SLC14A2: variants seen among roughly 807,000 people sequenced by gnomAD.
SLC14A2 encodes the protein urea transporter 2.
In SLC14A2, 91 loss-of-function variants were observed where a neutral mutation model predicts 104.6. The ratio of observed to expected loss-of-function variants is 0.87; its 90% CI spans 0.73 to 1.04. The LOEUF (loss-of-function observed/expected upper bound fraction) is 1.04, where lower values mean the gene tolerates loss of function less well. SLC14A2 is among the 50% of genes least tolerant of loss of function. The pLI, the probability that SLC14A2 is intolerant of heterozygous loss-of-function variation, is 0.00. For missense variants in SLC14A2, 1,189 were observed against 1,156.0 expected (o/e 1.03, Z -0.41); for synonymous variants, 476 against 466.4 (o/e 1.02, Z -0.27).
At chr18:45,659,905 A>T (rs1193532768) in intron 10 of SLC14A2, among the ~76,000 whole-genome samples, 1 of 149,868 alleles carries the variant, frequency 6.7e-6, no homozygotes, top group African/African-American at 2.5e-5. Context: ...CAGGAGGACC[A>T]CTTGAGCCCA....
chr18:45,355,568 A>T (rs2085544794), intron 1 of SLC14A2, among the ~76,000 whole-genome samples: 2 of 97,766 alleles, frequency 2.0e-5, no homozygotes. Context: ...ACAGAGTGAT[A>T]CTCTGTCTCA....
At chr18:45,210,036 G>A (rs184992466), upstream of SLC14A2, among the ~76,000 whole-genome samples, 215 of 152,308 alleles carry the variant, frequency 1.4e-3, 1 homozygote, top group African/African-American at 4.9e-3. Flanking sequence ...ACCAATGCAT[G>A]TCTTACCTCC....
the SLC14A2 span, among the ~76,000 whole-genome samples, chr18:45,173,206 G>A: frequency 1.1e-3 from 169 of 152,220 alleles, 2 homozygotes; most frequent in Non-Finnish European, 2.1e-3. Flanking sequence ...GATGGAGCTG[G>A]AAGATATATT....
chr18:45,661,095 C>T (rs530692968), intron 10 of SLC14A2, among the ~76,000 whole-genome samples: 31 of 152,304 alleles, frequency 2.0e-4, no homozygotes, highest in African/African-American at 7.2e-4. Context: ...AGCACAGAAT[C>T]TGGGCTGCTA....
At chr18:45,292,243 G>C (rs2084877569) in intron 1 of SLC14A2, among the ~76,000 whole-genome samples, 1 of 152,154 alleles carries the variant, frequency 6.6e-6, no homozygotes, top group African/African-American at 2.4e-5. Context: ...ATAGCTGGCA[G>C]AATCACTTCA....
At chr18:45,474,305 C>T (rs77434073) in intron 1 of SLC14A2, among the ~76,000 whole-genome samples, 1 of 152,114 alleles carries the variant, frequency 6.6e-6, no homozygotes, top group Non-Finnish European at 1.5e-5. Context: ...ATTTTTGCAT[C>T]AATGTTCATC....
chr18:45,680,938 C>T (rs66521833), intron 19 of SLC14A2, among the ~76,000 whole-genome samples: 17,658 of 152,192 alleles, frequency 0.12, 1,255 homozygotes, highest in East Asian at 0.28. Context: ...CTTACAGACC[C>T]AGCTCTGGTA....
At chr18:45,432,735 T>C (rs1456979837) in intron 1 of SLC14A2, among the ~76,000 whole-genome samples, 1 of 152,180 alleles carries the variant, frequency 6.6e-6, no homozygotes, top group Non-Finnish European at 1.5e-5. Context: ...GTACAGGGTC[T>C]TGTGGATGCC....
chr18:45,640,238 C>G (rs1392155314), intron 7 of SLC14A2, among the ~76,000 whole-genome samples: 1 of 151,636 alleles, frequency 6.6e-6, no homozygotes, highest in African/African-American at 2.4e-5. Context: ...ATCGTACCAC[C>G]TCACTCCAGC....
At chr18:45,402,295 T>C (rs1285253002) in intron 1 of SLC14A2, among the ~76,000 whole-genome samples, 2 of 152,214 alleles carry the variant, frequency 1.3e-5, no homozygotes, top group East Asian at 3.8e-4. Context: ...ATTGTCTGCA[T>C]TTTATTTAAT....
intron 1 of SLC14A2, among the ~76,000 whole-genome samples, chr18:45,227,893 C>G (rs1384586893): frequency 7.0e-6 from 1 of 142,882 alleles, no homozygotes; most frequent in African/African-American, 2.6e-5. Context: ...CTTTAATTTG[C>G]TAAAGTATTT....
Position 45,670,074 on chromosome 18 carries a change from G to A in SLC14A2, c.2229+576G>A, listed in dbSNP as rs888882992. The stretch of plus-strand genomic sequence containing the variant: ...GCCCAGGAGTTTGAGGCTGCAGTGC[G>A]CTGTGATTGTGTCACTGCACTCCAT... On this transcript the variant is annotated intron_variant, in intron 16 of 19. Transcript: ENST00000255226. Among the ~76,000 whole-genome samples, 18 of 152,156 alleles carry A rather than the reference G, an allele frequency of 1.2e-4. No homozygotes were observed. In the East Asian group the frequency reaches 2.3e-3, roughly 20 times the overall value.
At chr18:45,658,383 C>T (rs764190883) in intron 10 of SLC14A2, among the ~76,000 whole-genome samples, 1 of 152,066 alleles carries the variant, frequency 6.6e-6, no homozygotes, top group Non-Finnish European at 1.5e-5. Flanking sequence ...GAGTTCGAGA[C>T]CAGCCTAACC....
At chr18:45,441,325 A>G (rs961255115) in intron 1 of SLC14A2, among the ~76,000 whole-genome samples, 3 of 152,204 alleles carry the variant, frequency 2.0e-5, no homozygotes, top group African/African-American at 7.2e-5. Context: ...CATGATATTC[A>G]AATGATTTGG....
At chr18:45,630,458 A>G (rs957727194) in intron 4 of SLC14A2, among the ~76,000 whole-genome samples, 2 of 152,112 alleles carry the variant, frequency 1.3e-5, no homozygotes, top group Non-Finnish European at 2.9e-5. Context: ...AACAACACCA[A>G]TGCTGCAGTG....
intron 1 of SLC14A2, among the ~76,000 whole-genome samples, chr18:45,414,627 C>T (rs2086249233): frequency 6.6e-6 from 1 of 150,718 alleles, no homozygotes; most frequent in Non-Finnish European, 1.5e-5. Flanking sequence ...GGCATTCATG[C>T]AATCCACTTT....
chr18:45,322,380 A>G (rs1175867326), intron 1 of SLC14A2, among the ~76,000 whole-genome samples: 1 of 152,238 alleles, frequency 6.6e-6, no homozygotes, highest in Non-Finnish European at 1.5e-5. Context: ...AGTGAACACT[A>G]ATTGAAGGCT....
At chr18:45,595,512 A>AGT (rs1159288727) in intron 2 of SLC14A2, among the ~76,000 whole-genome samples, 1 of 152,012 alleles carries the variant, frequency 6.6e-6, no homozygotes. Context: ...CCACTTAACC[A>AGT]TTAAGTAAAC....
At chr18:45,589,784 G>A (rs2044621115) in intron 2 of SLC14A2, among the ~76,000 whole-genome samples, 1 of 152,180 alleles carries the variant, frequency 6.6e-6, no homozygotes, top group Non-Finnish European at 1.5e-5. Flanking sequence ...TGTCCATGAA[G>A]AGAGAATTTG....
Sources: allele counts gnomAD v4.1 joint callset (sites outside exome capture counted in the v4.1 genomes callset), GRCh38; gene constraint gnomAD v4.1.1; transcripts MANE v1.5; gene names NCBI Gene and HGNC (gene_info 2026-07-23, HGNC 2026-07-21).